GABBR2: variants seen among roughly 807,000 people sequenced by gnomAD.
GABBR2 encodes the protein G-protein coupled receptor 51.
Under a neutral mutation model 105.6 loss-of-function variants are expected in GABBR2, and 23 were observed. The ratio of observed to expected loss-of-function variants is 0.22; its 90% CI spans 0.16 to 0.31. The LOEUF is 0.31. GABBR2 is among the 10% of genes least tolerant of loss of function. The pLI is 1.00. For missense variants in GABBR2, 734 were observed against 1,245.5 expected (o/e 0.59, Z 6.18); for synonymous variants, 478 against 499.7 (o/e 0.96, Z 0.58).
intron 2 of GABBR2, among the ~76,000 whole-genome samples, chr9:98,551,150 C>G (rs1451956001): frequency 6.6e-6 from 1 of 152,176 alleles, no homozygotes; most frequent in South Asian, 2.1e-4. Context: ...TGCCTGTAAT[C>G]CCAGCACTTT....
At chr9:98,292,375 T>C (rs762456977) in intron 18 of GABBR2, among the ~76,000 whole-genome samples, 7 of 152,214 alleles carry the variant, frequency 4.6e-5, no homozygotes, top group Non-Finnish European at 8.8e-5. Context: ...GCTGCTTCTG[T>C]TCAACCACAT....
At chr9:98,441,722 GATAA>G (rs1339052169) in intron 7 of GABBR2, among the ~76,000 whole-genome samples, 2 of 152,194 alleles carry the variant, frequency 1.3e-5, no homozygotes, top group African/African-American at 4.8e-5. Flanking sequence ...AAGTTCTGGA[GATAA>G]ATAGTGGTGA....
At chr9:98,443,860 T>C (rs1826075231) in intron 7 of GABBR2, among the ~76,000 whole-genome samples, 1 of 152,336 alleles carries the variant, frequency 6.6e-6, no homozygotes, top group African/African-American at 2.4e-5. Context: ...CTGCTCTCTC[T>C]CTGATGCATC....
chr9:98,676,750 G>A (rs962589719), intron 1 of GABBR2, among the ~76,000 whole-genome samples: 2 of 152,198 alleles, frequency 1.3e-5, no homozygotes, highest in African/African-American at 4.8e-5. Flanking sequence ...AGAGATGTCT[G>A]GACCAGCCAT....
intron 13 of GABBR2, among the ~76,000 whole-genome samples, chr9:98,348,597 C>T (rs921035241): frequency 6.6e-6 from 1 of 152,108 alleles, no homozygotes; most frequent in East Asian, 1.9e-4. Flanking sequence ...TTTGTGTTCT[C>T]TTCAATTTCT....
intron 8 of GABBR2, among the ~76,000 whole-genome samples, chr9:98,397,090 T>G (rs1588139923): frequency 1.3e-5 from 2 of 152,222 alleles, no homozygotes; most frequent in East Asian, 1.9e-4. Flanking sequence ...ATGGGTCTCC[T>G]AGTTCTGAAT....
chr9:98,657,257 GT>G (rs1171205454), intron 1 of GABBR2, among the ~76,000 whole-genome samples: 2 of 152,230 alleles, frequency 1.3e-5, no homozygotes, highest in East Asian at 3.9e-4. Flanking sequence ...GCAAAGTGTT[GT>G]TTTTCTTATG....
chr9:98,318,446 T>G (rs1261417176), intron 13 of GABBR2, among the ~76,000 whole-genome samples: 2 of 152,176 alleles, frequency 1.3e-5, no homozygotes, highest in African/African-American at 4.8e-5. Context: ...CCTCTGTATG[T>G]TTCTGACCCT....
intron 7 of GABBR2, among the ~76,000 whole-genome samples, chr9:98,410,225 C>A (rs1383950652): frequency 6.6e-6 from 1 of 151,896 alleles, no homozygotes; most frequent in African/African-American, 2.4e-5. Context: ...TCGTCTTGTG[C>A]AATTCCAGGG....
chr9:98,513,038 G>A (rs1827682804), intron 3 of GABBR2, among the ~76,000 whole-genome samples: 1 of 151,968 alleles, frequency 6.6e-6, no homozygotes, highest in South Asian at 2.1e-4. Context: ...AAACAGCATG[G>A]TACTGGTACC....
At chr9:98,509,520 GA>G (rs983677346) in intron 3 of GABBR2, among the ~76,000 whole-genome samples, 1 of 151,826 alleles carries the variant, frequency 6.6e-6, no homozygotes, top group African/African-American at 2.4e-5. Flanking sequence ...TAAAAGCTTT[GA>G]AAAAAAATTA....
At chr9:98,650,031 T>C (rs2131844895) in intron 1 of GABBR2, among the ~76,000 whole-genome samples, 1 of 152,372 alleles carries the variant, frequency 6.6e-6, no homozygotes, top group Admixed American at 6.5e-5. Flanking sequence ...CTTCCATTAC[T>C]GTTCCCTGAC....
At position 98,643,701 on chromosome 9, in the gene GABBR2, A is replaced by T. The variant is rs79956251; in HGVS notation, c.321+64716T>A. Among the ~76,000 whole-genome samples the T allele has an allele frequency of 5.7e-3, 874 of 152,322 alleles. 21 individuals are homozygous for T. The East Asian group carries it at 0.058, about 10-fold the overall frequency. ...CCCTTAATCCATGTGAGCCAACTGTATCCCTGTGGCCACAGGGACTAGGGC... is the reference window on the plus strand; with the variant it reads ...CCCTTAATCCATGTGAGCCAACTGTTTCCCTGTGGCCACAGGGACTAGGGC... On this transcript the variant is annotated intron_variant, in intron 1 of 18. Coordinates refer to ENST00000259455, the MANE Select transcript of GABBR2 (RefSeq NM_005458.8).
At position 98,432,228 on chromosome 9, in the gene GABBR2, C is replaced by G. The variant is rs576885846; in HGVS notation, c.1236+21753G>C. Among the ~76,000 whole-genome samples, 3 of 152,130 alleles carry G rather than the reference C, an allele frequency of 2.0e-5. 1 individual carries two copies. The South Asian group carries it at 6.2e-4, about 32-fold the overall frequency. On this transcript the variant is annotated intron_variant, in intron 7 of 18. Coordinates refer to ENST00000259455, the MANE Select transcript of GABBR2 (RefSeq NM_005458.8). ...GGTTTTTAATAAGGAGTACCATGGC[C>G]AGAGATTATTTAGGAAGGCTAATAT...
intron 1 of GABBR2, among the ~76,000 whole-genome samples, chr9:98,583,122 A>G (rs1394667090): frequency 2.0e-5 from 3 of 152,264 alleles, no homozygotes; most frequent in African/African-American, 7.2e-5. Context: ...AGCAAGAGAA[A>G]CAACGTACTG....
Position 98,473,237 on chromosome 9 carries a change from A to C in GABBR2, c.908T>G (p.Leu303Arg). ...CATGGCAGCAAGCAGATTCTTCCGG[A>C]GGCAGCGGGATGAGTTGGCTTCCGT... ...VHTEANSSRC[L>R]RKNLLAAMEG... Residue 303 changes from leucine to arginine, a missense_variant, in exon 6 of 19, where the codon CTC (leucine) becomes CGC (arginine). Coordinates refer to ENST00000259455, the MANE Select transcript of GABBR2 (RefSeq NM_005458.8). 6.2e-7 allele frequency: 1 copy of C among 1,613,798 alleles called. No homozygotes were observed. The highest frequency in any genetic ancestry group is 8.5e-7 in the Non-Finnish European group (1 of 1,179,900).
In GABBR2 at chr9:98,496,499, T is replaced by A; in HGVS notation, c.646A>T (p.Thr216Ser). ...QRFSEVRNDL[T>S]GVLYGEDIEI... ...ATGTCCTCGCCATACAGAACTCCAG[T>A]CAGGTCATTCCGCACCTGTCAGCAA... Residue 216 changes from threonine (T) to serine (S), a missense_variant, in exon 4 of 19, where the codon ACT becomes TCT. Thr to Ser is a moderately conservative substitution (Grantham distance 58). Transcript: ENST00000259455. 1 of 1,611,630 alleles carries A rather than the reference T, an allele frequency of 6.2e-7. No individual in the cohort carries two copies. Among genetic ancestry groups the A allele is most frequent in the Non-Finnish European group, 8.5e-7 (1 of 1,178,076 alleles).
At chr9:98,379,538 G>C (rs763989637) in intron 11 of GABBR2, among the ~76,000 whole-genome samples, 4 of 152,136 alleles carry the variant, frequency 2.6e-5, no homozygotes, top group Non-Finnish European at 5.9e-5. Context: ...CAAAGTGCTG[G>C]GATTACAGGC....
intron 7 of GABBR2, among the ~76,000 whole-genome samples, chr9:98,414,735 T>C (rs974967919): frequency 5.9e-5 from 9 of 151,766 alleles, no homozygotes; most frequent in African/African-American, 1.7e-4. Context: ...CATGTGACAG[T>C]CCTACCAATG....
Sources: allele counts gnomAD v4.1 joint callset (sites outside exome capture counted in the v4.1 genomes callset), GRCh38; gene constraint gnomAD v4.1.1; transcripts MANE v1.5; gene names NCBI Gene and HGNC (gene_info 2026-07-23, HGNC 2026-07-21).